The following KLRG2 variants were observed in gnomAD, a reference collection of about 807,000 sequenced individuals.
The protein encoded by KLRG2 is killer cell lectin like receptor G2.
KLRG2 carries 39 observed loss-of-function variants against 35.4 expected under a neutral mutation model. That is an observed-to-expected ratio of 1.10 (90% CI 0.85 to 1.44). The LOEUF is 1.44. KLRG2 is among the 40% of genes most tolerant of loss of function. The pLI is 0.00. For synonymous variants in KLRG2, 283 were observed against 265.8 expected, an observed-to-expected ratio of 1.06 and a Z score of -0.63; for missense variants, 632 against 570.9, an observed-to-expected ratio of 1.11 and a Z score of -1.09.
chr7:139,458,106 G>C (rs750369639), intron 3 of KLRG2, among the ~76,000 whole-genome samples: 1 of 152,098 alleles, frequency 6.6e-6, no homozygotes, highest in Non-Finnish European at 1.5e-5. Context: ...GGCCAGGCAT[G>C]GCTGCTCACA....
the KLRG2 span, among the ~76,000 whole-genome samples, chr7:139,447,385 A>T: frequency 6.6e-6 from 1 of 150,780 alleles, no homozygotes; most frequent in Non-Finnish European, 1.5e-5. Context: ...CAAGTTGATC[A>T]TATGACTTGG....
At chr7:139,479,858 T>C in intron 2 of KLRG2, 86 bp from the exon 3 acceptor site, 2 of 1,458,864 alleles carry the variant, frequency 1.4e-6, no homozygotes, top group Non-Finnish European at 1.9e-6. Flanking sequence ...TGAAGGGGCA[T>C]GGAACTGGCA....
chr7:139,447,685 G>T, the KLRG2 span, among the ~76,000 whole-genome samples: 1 of 152,068 alleles, frequency 6.6e-6, no homozygotes, highest in Non-Finnish European at 1.5e-5. Context: ...CTACAGGTGT[G>T]AGCCACCGCA....
chr7:139,460,987 C>T (rs1464954198), intron 3 of KLRG2, among the ~76,000 whole-genome samples: 1 of 149,840 alleles, frequency 6.7e-6, no homozygotes, highest in African/African-American at 2.5e-5. Flanking sequence ...GGAGGTTGGG[C>T]GAGGGGGCTC....
intron 3 of KLRG2, among the ~76,000 whole-genome samples, chr7:139,456,156 A>G (rs902660643): frequency 6.6e-6 from 1 of 152,178 alleles, no homozygotes; most frequent in African/African-American, 2.4e-5. Context: ...CTTCCCTAAG[A>G]AAATGGTTTA....
At chr7:139,445,343 A>G in the KLRG2 span, among the ~76,000 whole-genome samples, 53 of 152,246 alleles carry the variant, frequency 3.5e-4, no homozygotes, top group African/African-American at 1.3e-3. Flanking sequence ...CAACCTCTCA[A>G]AGTGCTGGGA....
At chr7:139,433,958 G>T in the KLRG2 span, among the ~76,000 whole-genome samples, 2 of 152,032 alleles carry the variant, frequency 1.3e-5, no homozygotes, top group Non-Finnish European at 2.9e-5. Flanking sequence ...CATCACGTGC[G>T]TTTTTTAACC....
In KLRG2 at chr7:139,456,069, G is replaced by A. The variant is rs115945473; in HGVS notation, c.1006-1855C>T. Among the ~76,000 whole-genome samples the A allele has an allele frequency of 4.2e-3, 637 of 151,954 alleles. 5 individuals are homozygous for A. Among genetic ancestry groups the A allele is most frequent in the African/African-American group, 0.015 (610 of 41,500 alleles). On this transcript the variant is annotated intron_variant, in intron 3 of 4. Coordinates refer to ENST00000340940, the MANE Select transcript of KLRG2 (RefSeq NM_198508.4). ...GCAAGTACATATCACTCACAACAAT[G>A]TCAAGAAGCACATATTCACACTGAG...
intron 3 of KLRG2, among the ~76,000 whole-genome samples, chr7:139,474,587 C>T (rs1252775418): frequency 6.6e-6 from 1 of 151,744 alleles, no homozygotes; most frequent in Non-Finnish European, 1.5e-5. Flanking sequence ...GGTGAAACCC[C>T]ATCTTTACTA....
At chr7:139,447,402 CTTTT>C in the KLRG2 span, among the ~76,000 whole-genome samples, 1 of 136,938 alleles carries the variant, frequency 7.3e-6, no homozygotes, top group African/African-American at 2.7e-5. Flanking sequence ...TTGGGTCATT[CTTTT>C]TTTTTTTTTT....
At chr7:139,480,468 C>CA (rs1796937535) in intron 1 of KLRG2, among the ~76,000 whole-genome samples, 1 of 100,686 alleles carries the variant, frequency 9.9e-6, no homozygotes, top group Non-Finnish European at 1.8e-5. Flanking sequence ...TTTTTGGAGA[C>CA]AGAGTCTTGC....
chr7:139,466,308 C>T (rs1010713987), intron 3 of KLRG2, among the ~76,000 whole-genome samples: 5 of 152,154 alleles, frequency 3.3e-5, no homozygotes, highest in Admixed American at 1.3e-4. Flanking sequence ...AAGGCCACCG[C>T]GGTCATTTCT....
In KLRG2 at chr7:139,466,763, G is replaced by T. The variant is rs112194079; in HGVS notation, c.1006-12549C>A. Reference sequence around the variant, plus strand: ...AATAAAATAAAAAAAATAAAAAAAGGGGGGGGTACTCTGTATATTTTTAAA... The same window carrying T: ...AATAAAATAAAAAAAATAAAAAAAGTGGGGGGTACTCTGTATATTTTTAAA... On this transcript the variant is annotated intron_variant, in intron 3 of 4. Coordinates refer to ENST00000340940, the MANE Select transcript of KLRG2 (RefSeq NM_198508.4). Among the ~76,000 whole-genome samples, 539 of 103,978 alleles carry T rather than the reference G, an allele frequency of 5.2e-3. 2 individuals are homozygous for T. The highest frequency in any genetic ancestry group is 0.029 in the African/African-American group (507 of 17,250). 68.2% of individuals were successfully genotyped at this position (103,978 alleles called of 152,430 possible).
chr7:139,463,625 C>T lies in KLRG2; in HGVS notation c.1006-9411G>A, dbSNP rs980676760. ...CCGCAGCCCAGGATTCCTCCTAAGC[C>T]GTGTCCCATGTGTATGGGACCCCAC... On this transcript the variant is annotated intron_variant, in intron 3 of 4. Coordinates refer to ENST00000340940, the MANE Select transcript of KLRG2 (RefSeq NM_198508.4). Among the ~76,000 whole-genome samples the T allele has an allele frequency of 8.5e-5, 13 of 152,198 alleles. No individual in the cohort carries two copies. In the East Asian group the frequency reaches 9.6e-4, roughly 11 times the overall value.
chr7:139,432,179 G>A, the KLRG2 span, among the ~76,000 whole-genome samples: 1 of 151,992 alleles, frequency 6.6e-6, no homozygotes, highest in Admixed American at 6.6e-5. Flanking sequence ...AACAAAGGGA[G>A]ATCCTGTCTC....
chr7:139,467,212 AC>A (rs1160597225), intron 3 of KLRG2, among the ~76,000 whole-genome samples: 1 of 150,582 alleles, frequency 6.6e-6, no homozygotes, highest in Non-Finnish European at 1.5e-5. Context: ...TCTCCATATC[AC>A]CCCCCAAAAT....
chr7:139,427,733 G>A, the KLRG2 span, among the ~76,000 whole-genome samples: 1 of 152,156 alleles, frequency 6.6e-6, no homozygotes, highest in Non-Finnish European at 1.5e-5. Context: ...ACTTTTCCCA[G>A]AACCTCTCGC....
rs774471371 is a variant in KLRG2 at position 139,483,318 on chromosome 7, C to T, written c.325G>A (p.Ala109Thr). The change falls in exon 1 of 5, where the codon GCG becomes ACG. Residue 109 changes from alanine (A) to threonine (T), a missense_variant. Transcript: ENST00000340940. The stretch of plus-strand genomic sequence containing the variant: ...CTGGGCGCAGGCTCAGCCCCGGGCG[C>T]CTCGCCATTCCGGGGCAGCTTGACC... ...ALVKLPRNGE[A>T]PGAEPAPSAW... is the part of the protein sequence containing the mutation. 2 of 1,546,586 alleles carry T rather than the reference C, an allele frequency of 1.3e-6. No individual in the cohort carries two copies. Among genetic ancestry groups the T allele is most frequent in the South Asian group, 1.2e-5 (1 of 85,296 alleles).
chr7:139,444,817 A>G, the KLRG2 span, among the ~76,000 whole-genome samples: 2 of 152,374 alleles, frequency 1.3e-5, no homozygotes, highest in Admixed American at 1.3e-4. Flanking sequence ...CACACCCTAC[A>G]GAGCAGACAG....
Sources: gnomAD v4.1 joint callset for allele counts (sites outside exome capture counted in the v4.1 genomes callset) on GRCh38, gnomAD v4.1.1 for gene constraint, MANE v1.5 for transcripts, NCBI Gene and HGNC (gene_info 2026-07-23, HGNC 2026-07-21) for gene names.